Variants in ABCA7 observed in about 807,000 individuals in gnomAD.
ABCA7 encodes the protein ATP binding cassette subfamily A member 7.
A neutral mutation model predicts 227.6 loss-of-function variants in ABCA7; 261 were observed. The observed-to-expected ratio is 1.15, with a 90% CI of 1.04 to 1.27. The LOEUF is 1.27. ABCA7 is among the 50% of genes most tolerant of loss of function. The pLI, the probability that ABCA7 is intolerant of heterozygous loss-of-function variation, is 0.00. For synonymous variants in ABCA7, 1,488 were observed against 1,279.7 expected, an observed-to-expected ratio of 1.16 and a Z score of -3.47; for missense variants, 3,331 against 2,924.5, an observed-to-expected ratio of 1.14 and a Z score of -3.21.
At chr19:1,052,323 A>G (rs1206228408) in intron 23 of ABCA7, 37 bp downstream of exon 23, 8 of 1,088,720 alleles carry the variant, frequency 7.3e-6, no homozygotes. Context: ...GCGGGTGGGC[A>G]GTGGGGTGGC....
chr19:1,056,762 GCACCCT>G lies in ABCA7; in HGVS notation c.4587-142_4587-137del. On this transcript the variant is annotated intron_variant, in intron 33 of 46. Coordinates refer to ENST00000263094, the MANE Select transcript of ABCA7 (RefSeq NM_019112.4). The surrounding 1 kb of genome is among the most constrained non-coding windows in gnomAD (Gnocchi z 4.3). ...TACAACCTCTGCTGCCAAATCCCAG[GCACCCT>G]CATCCCTAAATTGCCCCTGCCATCT... is the stretch of plus-strand genomic sequence containing the variant. The G allele has an allele frequency of 9.9e-7, 1 of 1,008,712 alleles. No individual in the cohort carries two copies. The highest frequency in any genetic ancestry group is 1.5e-5 in the South Asian group (1 of 65,512). The allele number at this position is 1,008,712 out of a possible 1,614,324, so 62.5% of individuals were successfully genotyped here. A position where few individuals can be genotyped will look rare whatever the true frequency, so the allele number is the denominator to read the frequency against.
intron 23 of ABCA7, 136 bp from the exon 24 acceptor site, chr19:1,053,193 G>A (rs544884118): frequency 3.1e-5 from 28 of 900,684 alleles, no homozygotes; most frequent in Admixed American, 2.6e-4. Context: ...GCGCCCGGCC[G>A]CACCTGGCCT....
At chr19:1,063,364 C>T (rs4147928) in intron 42 of ABCA7, among the ~76,000 whole-genome samples, 180 bp from the exon 43 acceptor site, 24,708 of 65,014 alleles carry the variant, frequency 0.38, 6,045 homozygotes, top group Admixed American at 0.53. Flanking sequence ...GCTCCACCCA[C>T]ACCATGGCCC....
rs116449527 is a variant in ABCA7, at chr19:1,054,522, A to C, written c.3727-48A>C. 1 of 1,590,654 alleles carries C rather than the reference A, an allele frequency of 6.3e-7. No individual in the cohort carries two copies. Among genetic ancestry groups the C allele is most frequent in the African/African-American group, 1.3e-5 (1 of 74,706 alleles). On this transcript the variant is annotated intron_variant, in intron 27 of 46. Coordinates refer to ENST00000263094, the MANE Select transcript of ABCA7 (RefSeq NM_019112.4). The surrounding 1 kb of genome is among the most constrained non-coding windows in gnomAD (Gnocchi z 4.8). ...AGCAGGAGCAGGGACAGGTGCAAGC[A>C]AGCCTGGAGGGTGGATGGAAGCAGC...
intron 13 of ABCA7, 136 bp from the exon 14 acceptor site, chr19:1,046,666 G>C (rs2040709370): frequency 1.7e-6 from 2 of 1,157,024 alleles, no homozygotes; most frequent in Non-Finnish European, 2.4e-6. Flanking sequence ...AGGCTGGCTG[G>C]ATCAGGTTCC....
At chr19:1,065,197 G>C (rs1408141219) in intron 46 of ABCA7, 26 bp downstream of exon 46, 5 of 1,596,442 alleles carry the variant, frequency 3.1e-6, no homozygotes, top group Non-Finnish European at 3.4e-6. Flanking sequence ...GGGTCGGGCT[G>C]GGGGAGGCAG....
In ABCA7 at chr19:1,056,868, A is replaced by C. The variant is rs1209812211; in HGVS notation, c.4587-39A>C. ...CAGCTCTGCTCTGAGCAACCCATGC[A>C]CCCTCACCCTACAACAGCTCTCATG... On this transcript the variant is annotated intron_variant, in intron 33 of 46. Coordinates refer to ENST00000263094, the MANE Select transcript of ABCA7 (RefSeq NM_019112.4). This position sits in a 1 kb window ranked among gnomAD's most constrained non-coding sequence, Gnocchi z 4.3. The C allele has an allele frequency of 1.3e-6, 2 of 1,593,456 alleles. No individual in the cohort carries two copies. Among genetic ancestry groups the C allele is most frequent in the Non-Finnish European group, 1.7e-6 (2 of 1,166,670 alleles).
rs768032992 is a variant in ABCA7, at chr19:1,059,011, G to A, written c.5401-12G>A. ...GCCCACTCACCTTTCTGAAAGACCT[G>A]CACTCTCCCAGGTATACCGTGGGCA... On this transcript the variant is annotated splice_polypyrimidine_tract_variant and intron_variant, in intron 39 of 46. Transcript: ENST00000263094. 6 of 1,613,854 alleles carry A rather than the reference G, an allele frequency of 3.7e-6. No individual in the cohort carries two copies. The Admixed American group carries it at 6.7e-5, about 18-fold the overall frequency.
chr19:1,063,520 G>C (rs772774035), intron 42 of ABCA7, 24 bp from the exon 43 acceptor site: 2 of 1,607,788 alleles, frequency 1.2e-6, no homozygotes, highest in East Asian at 4.5e-5. Context: ...GAGTCCCCAT[G>C]CCTACTCTGG....
At chr19:1,059,544 C>G (rs1434990148) in intron 40 of ABCA7, among the ~76,000 whole-genome samples, 1 of 146,338 alleles carries the variant, frequency 6.8e-6, no homozygotes, top group Admixed American at 6.9e-5. Flanking sequence ...GGATTACAAG[C>G]GTGAGCCACC....
At position 1,054,325 on chromosome 19, in the gene ABCA7, G is replaced by T. The variant is rs114614802; in HGVS notation, c.3710G>T (p.Arg1237Leu). 4 of 1,600,002 alleles carry T rather than the reference G, an allele frequency of 2.5e-6. No individual in the cohort carries two copies. The highest frequency in any genetic ancestry group is 3.4e-6 in the Non-Finnish European group (4 of 1,178,486). ...KRFLLARRSR[R>L]GLFAQIVLPA... Reference sequence around the variant, plus strand: ...TTTCTGCTTGCCCGCCGCAGCCGCCGCGGCCTGTTCGCCCAGGTGAGGAGG... The same window carrying T: ...TTTCTGCTTGCCCGCCGCAGCCGCCTCGGCCTGTTCGCCCAGGTGAGGAGG... The change falls in exon 27 of 47, where the codon CGC becomes CTC. Residue 1237 changes from arginine (R) to leucine (L), a missense_variant. By Grantham distance (102) the Arg-to-Leu change is moderately radical. Transcript: ENST00000263094. This position sits in a 1 kb window ranked among gnomAD's most constrained non-coding sequence, Gnocchi z 4.8.
chr19:1,047,541 T>C lies in ABCA7; in HGVS notation c.2156T>C (p.Val719Ala). Residue 719 changes from valine to alanine, a missense_variant, in exon 16 of 47, where the codon GTG becomes GCG. Coordinates refer to ENST00000263094, the MANE Select transcript of ABCA7 (RefSeq NM_019112.4). ...GGCGAGGGCGCGCAGTGGCACAACGTGGGCACCCGGCCTACGGCAGACGTC... is the reference window on the plus strand; with the variant it reads ...GGCGAGGGCGCGCAGTGGCACAACGCGGGCACCCGGCCTACGGCAGACGTC... ...EQGEGAQWHN[V>A]GTRPTADVFS... is the part of the protein sequence containing the mutation. The C allele has an allele frequency of 6.3e-7, 1 of 1,599,616 alleles. No homozygotes were observed.
chr19:1,053,238 G>T (rs529987321), intron 23 of ABCA7, 91 bp from the exon 24 acceptor site: 23 of 1,344,530 alleles, frequency 1.7e-5, no homozygotes, highest in Middle Eastern at 2.6e-4. Context: ...TGCCGGGACA[G>T]TCCCCTCACA....
At position 1,041,293 on chromosome 19, in the gene ABCA7, G is replaced by T; in HGVS notation, c.-69G>T. The T allele has an allele frequency of 6.6e-7, 1 of 1,513,368 alleles. No individual in the cohort carries two copies. 93.7% of individuals were successfully genotyped at this position (1,513,368 alleles called of 1,614,324 possible). ...AGAAAGGGGCAGGGAGTTGCCCGCA[G>T]CCGCACCGCACGTCTTCAGCCCGAC... On this transcript the variant is annotated 5_prime_UTR_variant, in exon 2 of 47. Transcript: ENST00000263094.
chr19:1,062,734 T>C (rs2042743608), intron 42 of ABCA7, among the ~76,000 whole-genome samples: 1 of 151,466 alleles, frequency 6.6e-6, no homozygotes, highest in South Asian at 2.1e-4. Context: ...TGCTTGGGGG[T>C]CTTGTCTTTG....
chr19:1,046,802 G>A lies in ABCA7; in HGVS notation c.1623G>A (p.Val541=), dbSNP rs1427759686. The change falls in exon 14 of 47, where the codon GTG becomes GTA. Residue 541 remains valine (V), a splice_region_variant and synonymous_variant. Coordinates refer to ENST00000263094, the MANE Select transcript of ABCA7 (RefSeq NM_019112.4). ...QMPYPCYVDD[V]FLRVLSRSLP... ...TCCACCCCAGCCGTCCCCACCCCAG[G>A]TTCCTGCGTGTGCTGAGCCGGTCGC... 2 of 1,536,880 alleles carry A rather than the reference G, an allele frequency of 1.3e-6. No homozygotes were observed. Among genetic ancestry groups the A allele is most frequent in the East Asian group, 2.4e-5 (1 of 41,036 alleles).
Position 1,047,276 on chromosome 19 carries a change from GGCTGCGGCCT to G in ABCA7, c.1968_1977del (p.Cys659TrpfsTer135). 6.2e-7 allele frequency: 1 copy of G among 1,606,712 alleles called. No homozygotes were observed. The highest frequency in any genetic ancestry group is 8.5e-7 in the Non-Finnish European group (1 of 1,179,240). On this transcript the variant is annotated frameshift_variant, in exon 15 of 47. Transcript: ENST00000263094. LOFTEE classifies it high-confidence loss of function. ...GCGCCTTCTTCTCCCGCGCCAACCT[GGCTGCGGCCT>G]GCGGCGGCCTGGCCTACTTCTCCCT... is the stretch of plus-strand genomic sequence containing the variant.
intron 23 of ABCA7, 79 bp downstream of exon 23, chr19:1,052,365 G>C (rs2041733100): frequency 1.6e-5 from 20 of 1,255,628 alleles, no homozygotes; most frequent in Non-Finnish European, 2.2e-5. Flanking sequence ...GGAGGGGGAG[G>C]GGGAAGAGGA....
At position 1,052,086 on chromosome 19, in the gene ABCA7, C is replaced by T. The variant is rs528274024; in HGVS notation, c.3107C>T (p.Thr1036Met). ...RRHLGSGYYL[T>M]LVKARLPLTT... ...CACCTGGGCTCCGGCTACTACCTGA[C>T]GCTGGTGAAGGCCCGCCTGCCCCTG... Residue 1036 changes from threonine to methionine, a missense_variant, in exon 22 of 47, where the codon ACG (threonine) becomes ATG (methionine). Physicochemically the swap from Thr to Met is moderately conservative, Grantham distance 81. Transcript: ENST00000263094. 1.5e-5 allele frequency: 24 copies of T among 1,612,278 alleles called. No homozygotes were observed. The highest frequency in any genetic ancestry group is 1.1e-4 in the African/African-American group (8 of 74,964).
Sources: allele counts gnomAD v4.1 joint callset (sites outside exome capture counted in the v4.1 genomes callset), GRCh38; gene constraint gnomAD v4.1.1; non-coding constraint Gnocchi (gnomAD v3.1); transcripts MANE v1.5; gene names NCBI Gene and HGNC (gene_info 2026-07-23, HGNC 2026-07-21).